The following ST6GALNAC5 variants were observed in gnomAD, a reference collection of about 807,000 sequenced individuals.
ST6GALNAC5 encodes ST6 N-acetylgalactosaminide alpha-2,6-sialyltransferase 5, also known as alpha-N-acetylgalactosaminide alpha-2,6-sialyltransferase 5.
Under a neutral mutation model 33.6 loss-of-function variants are expected in ST6GALNAC5, and 27 were observed. The ratio of observed to expected loss-of-function variants is 0.80; its 90% CI spans 0.59 to 1.11. The LOEUF (loss-of-function observed/expected upper bound fraction) is 1.11, where lower values mean the gene tolerates loss of function less well. ST6GALNAC5 is among the 50% of genes least tolerant of loss of function. The probability of loss-of-function intolerance (pLI) is 0.00; values close to 1 mark genes in which losing one functional copy is unlikely to be tolerated. For missense variants in ST6GALNAC5, 428 were observed against 454.0 expected (o/e 0.94, Z 0.52); for synonymous variants, 194 against 171.2 (o/e 1.13, Z -1.04).
chr1:76,939,730 A>G (rs1215345661), intron 2 of ST6GALNAC5, among the ~76,000 whole-genome samples: 1 of 152,120 alleles, frequency 6.6e-6, no homozygotes, highest in Non-Finnish European at 1.5e-5. Flanking sequence ...TTCATTCCAC[A>G]ACTATTTACT....
At chr1:77,021,002 C>T (rs905580998) in intron 2 of ST6GALNAC5, among the ~76,000 whole-genome samples, 4 of 152,290 alleles carry the variant, frequency 2.6e-5, no homozygotes, top group Middle Eastern at 3.4e-3. Context: ...GAAGCCACAT[C>T]ACCAATTCTA....
rs956260387 is a variant in ST6GALNAC5 at position 76,892,513 on chromosome 1, A to G, written c.261+23771A>G. On this transcript the variant is annotated intron_variant, in intron 2 of 4. Coordinates refer to ENST00000477717, the MANE Select transcript of ST6GALNAC5 (RefSeq NM_030965.3). The stretch of plus-strand genomic sequence containing the variant: ...TGTTTATAAATAGGAATAGAACAAA[A>G]AGCACTGTCCCAAACTTTCCTTTAA... 2.6e-5 allele frequency among the ~76,000 whole-genome samples: 4 copies of G among 152,336 alleles called. No homozygotes were observed. In the East Asian group the frequency reaches 7.7e-4, roughly 29 times the overall value.
chr1:76,976,197 AAT>A (rs1460105162), intron 2 of ST6GALNAC5, among the ~76,000 whole-genome samples: 1 of 152,196 alleles, frequency 6.6e-6, no homozygotes, highest in African/African-American at 2.4e-5. Context: ...GATATGTTTA[AAT>A]TCTTGACCTG....
chr1:76,971,603 A>G (rs1466036833), intron 2 of ST6GALNAC5, among the ~76,000 whole-genome samples: 1 of 151,978 alleles, frequency 6.6e-6, no homozygotes, highest in African/African-American at 2.4e-5. Flanking sequence ...CCTTTTGTTC[A>G]ATTGATTGCA....
chr1:76,905,273 C>A (rs986199724), intron 2 of ST6GALNAC5, among the ~76,000 whole-genome samples: 1 of 152,112 alleles, frequency 6.6e-6, no homozygotes, highest in African/African-American at 2.4e-5. Flanking sequence ...AGTTACGGGG[C>A]TATTATTTCC....
intron 2 of ST6GALNAC5, among the ~76,000 whole-genome samples, chr1:77,029,329 T>G (rs1481415017): frequency 6.6e-6 from 1 of 152,210 alleles, no homozygotes; most frequent in Non-Finnish European, 1.5e-5. Context: ...GCTTTTGTCT[T>G]GTTCACATGG....
Position 77,067,215 on chromosome 1 carries a change from T to C in ST6GALNAC5, c.*4009T>C, listed in dbSNP as rs1652809450. ...GTGTTAGCACATGCCAGAAGGTACT[T>C]TGGAATGGAAAGAGGTGAGAGTGTC... On this transcript the variant is annotated 3_prime_UTR_variant, in exon 5 of 5. Coordinates refer to ENST00000477717, the MANE Select transcript of ST6GALNAC5 (RefSeq NM_030965.3). Among the ~76,000 whole-genome samples, 1 of 152,122 alleles carries C rather than the reference T, an allele frequency of 6.6e-6. No individual in the cohort carries two copies. Among genetic ancestry groups the C allele is most frequent in the Admixed American group, 6.5e-5 (1 of 15,280 alleles).
intron 4 of ST6GALNAC5, 40 bp from the exon 5 acceptor site, chr1:77,062,935 T>A (rs759573991): frequency 3.6e-5 from 56 of 1,552,968 alleles, no homozygotes; most frequent in Middle Eastern, 1.7e-4. Flanking sequence ...GGAAAAAAAA[T>A]TTTTTTGCTT....
intron 2 of ST6GALNAC5, among the ~76,000 whole-genome samples, chr1:76,873,610 C>T (rs368927982): frequency 1.4e-4 from 22 of 152,252 alleles, no homozygotes; most frequent in African/African-American, 5.3e-4. Context: ...TAGTATGTCT[C>T]ATTTTTCCAA....
chr1:76,868,492 C>T lies in ST6GALNAC5; in HGVS notation c.16-5C>T, dbSNP rs113452830. On this transcript the variant is annotated splice_polypyrimidine_tract_variant and splice_region_variant and intron_variant, in intron 1 of 4. Transcript: ENST00000477717. The surrounding 1 kb of genome is among the most constrained non-coding windows in gnomAD (Gnocchi z 4.3). Reference sequence around the variant, plus strand: ...TCTCCTCTTCTCTCTCCCGCCCGCCCGCAGCGCCATGGTCTGGCAGTGTGT... The same window carrying T: ...TCTCCTCTTCTCTCTCCCGCCCGCCTGCAGCGCCATGGTCTGGCAGTGTGT... The T allele has an allele frequency of 3.5e-3, 5,590 of 1,599,804 alleles. 159 individuals carry two copies. In the African/African-American group the frequency reaches 0.065, roughly 19 times the overall value.
intron 2 of ST6GALNAC5, among the ~76,000 whole-genome samples, chr1:77,027,185 C>T (rs116798842): frequency 0.014 from 2,115 of 152,310 alleles, 51 homozygotes; most frequent in African/African-American, 0.047. Flanking sequence ...AAAGGTATAT[C>T]TCCTGCCTTC....
chr1:76,998,461 T>C (rs1341139398), intron 2 of ST6GALNAC5, among the ~76,000 whole-genome samples: 1 of 152,196 alleles, frequency 6.6e-6, no homozygotes, highest in Non-Finnish European at 1.5e-5. Flanking sequence ...AAAATGTTTA[T>C]GACAATTATA....
At chr1:76,984,841 G>T (rs1649413985) in intron 2 of ST6GALNAC5, among the ~76,000 whole-genome samples, 1 of 152,160 alleles carries the variant, frequency 6.6e-6, no homozygotes, top group Non-Finnish European at 1.5e-5. Flanking sequence ...TTCATCCCTA[G>T]CATGCAAGGC....
At chr1:76,978,581 T>G (rs1208414386) in intron 2 of ST6GALNAC5, among the ~76,000 whole-genome samples, 1 of 152,198 alleles carries the variant, frequency 6.6e-6, no homozygotes, top group Non-Finnish European at 1.5e-5. Flanking sequence ...CAACGTCCTT[T>G]AACGACAAAA....
chr1:76,875,297 C>T lies in ST6GALNAC5; in HGVS notation c.261+6555C>T, dbSNP rs557330029. ...CTTCATTCCTGAGGGGTCTGGGTCACTTGTAGTCCTACCTGGATTGGGCGG... is the reference window on the plus strand; with the variant it reads ...CTTCATTCCTGAGGGGTCTGGGTCATTTGTAGTCCTACCTGGATTGGGCGG... On this transcript the variant is annotated intron_variant, in intron 2 of 4. Transcript: ENST00000477717. Among the ~76,000 whole-genome samples the T allele has an allele frequency of 5.3e-4, 81 of 152,268 alleles. 1 individual carries two copies. Among genetic ancestry groups the T allele is most frequent in the African/African-American group, 1.8e-3 (76 of 41,552 alleles).
intron 2 of ST6GALNAC5, among the ~76,000 whole-genome samples, chr1:77,023,315 A>G (rs990606620): frequency 1.3e-5 from 2 of 152,226 alleles, no homozygotes; most frequent in Admixed American, 1.3e-4. Flanking sequence ...TCATTTTTCC[A>G]TATAACAAAC....
At chr1:76,985,762 C>A (rs904909519) in intron 2 of ST6GALNAC5, among the ~76,000 whole-genome samples, 2 of 152,142 alleles carry the variant, frequency 1.3e-5, no homozygotes, top group Admixed American at 1.3e-4. Flanking sequence ...AACTATACTA[C>A]AAGGCTACAG....
chr1:76,902,443 C>T (rs1194669541), intron 2 of ST6GALNAC5, among the ~76,000 whole-genome samples: 1 of 152,062 alleles, frequency 6.6e-6, no homozygotes, highest in Non-Finnish European at 1.5e-5. Context: ...AATAGTGCTC[C>T]TCAAATAGAT....
Position 76,982,620 on chromosome 1 carries a change from C to A in ST6GALNAC5, c.262-61584C>A, listed in dbSNP as rs147030439. Among the ~76,000 whole-genome samples, 692 of 152,286 alleles carry A rather than the reference C, an allele frequency of 4.5e-3. 7 individuals carry two copies. Among genetic ancestry groups the A allele is most frequent in the African/African-American group, 0.016 (651 of 41,566 alleles). On this transcript the variant is annotated intron_variant, in intron 2 of 4. Coordinates refer to ENST00000477717, the MANE Select transcript of ST6GALNAC5 (RefSeq NM_030965.3). ...TATTATCCAGGAGAACTTCCCTAAC[C>A]TAGCAAGGCAGGCCAACATTCAAAT...
Sources: gnomAD v4.1 joint callset for allele counts (sites outside exome capture counted in the v4.1 genomes callset) on GRCh38, gnomAD v4.1.1 for gene constraint, Gnocchi (gnomAD v3.1) non-coding constraint, MANE v1.5 for transcripts, NCBI Gene and HGNC (gene_info 2026-07-23, HGNC 2026-07-21) for gene names.